Variants in AADACL2 observed in about 807,000 individuals in gnomAD.
The protein encoded by AADACL2 is arylacetamide deacetylase like 2, also known as arylacetamide deacetylase-like 2.
A neutral mutation model predicts 22.3 loss-of-function variants in AADACL2; 23 were observed. The observed-to-expected ratio is 1.03, with a 90% confidence interval of 0.74 to 1.46. The LOEUF is 1.46. Among genes scored for constraint, AADACL2 ranks in the 40% most tolerant of loss-of-function variants. The probability of loss-of-function intolerance (pLI) is 0.00; values close to 1 mark genes in which losing one functional copy is unlikely to be tolerated. For synonymous variants in AADACL2, 177 were observed against 166.2 expected, an observed-to-expected ratio of 1.07 and a Z score of -0.50; for missense variants, 472 against 482.9, an observed-to-expected ratio of 0.98 and a Z score of 0.21.
intron 3 of AADACL2, among the ~76,000 whole-genome samples, chr3:151,745,162 T>A (rs974458743): frequency 6.6e-6 from 1 of 152,066 alleles, no homozygotes; most frequent in Non-Finnish European, 1.5e-5. Context: ...CAAGCATTTT[T>A]AAAAAAATGT....
chr3:151,734,011 T>A lies in AADACL2; in HGVS notation c.-25T>A, dbSNP rs1481261135. Reference sequence around the variant, plus strand: ...GTGAAAAATTTTAATCTCAGTACTGTGAAGAAGCTGGAAAAAGGGATATTA... The same window carrying A: ...GTGAAAAATTTTAATCTCAGTACTGAGAAGAAGCTGGAAAAAGGGATATTA... On this transcript the variant is annotated 5_prime_UTR_variant, in exon 1 of 5. Transcript: ENST00000356517. 1 of 1,584,182 alleles carries A rather than the reference T, an allele frequency of 6.3e-7. No homozygotes were observed. The highest frequency in any genetic ancestry group is 1.4e-5 in the African/African-American group (1 of 73,876).
chr3:151,743,953 C>A, intron 2 of AADACL2, 140 bp from the exon 3 acceptor site: 1 of 752,776 alleles, frequency 1.3e-6, no homozygotes, highest in South Asian at 1.9e-5. Flanking sequence ...GGATTCAGGT[C>A]CATCTGCTTG....
At chr3:151,738,337 G>C (rs1039049347) in intron 1 of AADACL2, among the ~76,000 whole-genome samples, 7 of 152,140 alleles carry the variant, frequency 4.6e-5, no homozygotes, top group African/African-American at 1.7e-4. Flanking sequence ...CTCTCTTCTG[G>C]CTTGTAGAGT....
At chr3:151,741,109 T>A (rs1211496267) in intron 2 of AADACL2, among the ~76,000 whole-genome samples, 2 of 152,148 alleles carry the variant, frequency 1.3e-5, no homozygotes, top group Non-Finnish European at 2.9e-5. Flanking sequence ...ATCCTTAGCT[T>A]TCATATTGAA....
At chr3:151,756,916 T>A in intron 4 of AADACL2, 76 bp from the exon 5 acceptor site, 1 of 1,396,530 alleles carries the variant, frequency 7.2e-7, no homozygotes, top group Non-Finnish European at 9.6e-7. Context: ...ATCTTATGAC[T>A]GCTAGATAAT....
intron 1 of AADACL2, among the ~76,000 whole-genome samples, chr3:151,735,730 C>T (rs766725399): frequency 1.2e-4 from 18 of 152,042 alleles, no homozygotes; most frequent in Non-Finnish European, 2.5e-4. Flanking sequence ...TGCACTCTAG[C>T]CTGGATGACA....
At chr3:151,743,010 T>TA (rs1201589563) in intron 2 of AADACL2, among the ~76,000 whole-genome samples, 4 of 152,072 alleles carry the variant, frequency 2.6e-5, no homozygotes, top group Non-Finnish European at 5.9e-5. Flanking sequence ...ATTTTTTTTT[T>TA]AATAGAAATT....
At chr3:151,749,447 G>T (rs1713577806) in intron 4 of AADACL2, among the ~76,000 whole-genome samples, 2 of 151,952 alleles carry the variant, frequency 1.3e-5, no homozygotes, top group Non-Finnish European at 2.9e-5. Flanking sequence ...GAGTCTTAGG[G>T]TTTTCTGTAT....
intron 2 of AADACL2, among the ~76,000 whole-genome samples, chr3:151,742,844 T>A (rs928154070): frequency 2.0e-5 from 3 of 152,188 alleles, no homozygotes; most frequent in African/African-American, 7.2e-5. Flanking sequence ...TGTTTTAAAC[T>A]ATTTGAATAA....
rs573612157 is a variant in AADACL2 at position 151,760,572 on chromosome 3, G to A, written c.*2978G>A. ...CCTGTGTCTCCTGGAAACATAAGGT[G>A]TAGGTTTCTGACACATATATCTAAC... On this transcript the variant is annotated 3_prime_UTR_variant, in exon 5 of 5. Transcript: ENST00000356517. The A allele has an allele frequency of 6.6e-6, 1 of 152,412 alleles. No homozygotes were observed. The highest frequency in any genetic ancestry group is 1.5e-5 in the Non-Finnish European group (1 of 68,024). 9.4% of individuals were successfully genotyped at this position (152,412 alleles called of 1,614,324 possible). A position where few individuals can be genotyped will look rare whatever the true frequency, so the allele number is the denominator to read the frequency against.
chr3:151,740,779 T>C lies in AADACL2; in HGVS notation c.272T>C (p.Val91Ala), dbSNP rs1348283851. 4 of 1,613,874 alleles carry C rather than the reference T, an allele frequency of 2.5e-6. No individual in the cohort carries two copies. Among genetic ancestry groups the C allele is most frequent in the Non-Finnish European group, 3.4e-6 (4 of 1,179,934 alleles). ...VTDTTFVDIP[V>A]RLYLPKRKSE... ...GATACAACATTTGTTGACATTCCAG[T>C]ACGATTGTACTTGCCAAAAAGAAAG... Residue 91 changes from valine to alanine, a missense_variant, in exon 2 of 5, where the codon GTA becomes GCA. By Grantham distance (64) the Val-to-Ala change is moderately conservative. Transcript: ENST00000356517.
At chr3:151,746,171 A>G (rs576515390) in intron 4 of AADACL2, among the ~76,000 whole-genome samples, 1 of 151,918 alleles carries the variant, frequency 6.6e-6, no homozygotes. Flanking sequence ...TCTTTTCTCA[A>G]ATTTTACCCT....
intron 4 of AADACL2, among the ~76,000 whole-genome samples, chr3:151,747,787 G>A (rs1220210810): frequency 6.6e-6 from 1 of 152,018 alleles, no homozygotes; most frequent in Non-Finnish European, 1.5e-5. Flanking sequence ...GTTTCCTTTG[G>A]ATAGATACCT....
chr3:151,739,804 G>C lies in AADACL2; in HGVS notation c.139-842G>C, dbSNP rs1238631036. ...CAGTCCAAACCTCCCGGCCTCCTTAGCACTGTCAGGGGAAAACCACCTACT... is the reference window on the plus strand; with the variant it reads ...CAGTCCAAACCTCCCGGCCTCCTTACCACTGTCAGGGGAAAACCACCTACT... On this transcript the variant is annotated intron_variant, in intron 1 of 4. Coordinates refer to ENST00000356517, the MANE Select transcript of AADACL2 (RefSeq NM_207365.4). 2.0e-5 allele frequency among the ~76,000 whole-genome samples: 3 copies of C among 152,124 alleles called. No individual in the cohort carries two copies. In the East Asian group the frequency reaches 5.8e-4, roughly 29 times the overall value.
intron 2 of AADACL2, among the ~76,000 whole-genome samples, chr3:151,741,619 T>C (rs1713280054): frequency 6.6e-6 from 1 of 152,162 alleles, no homozygotes; most frequent in Non-Finnish European, 1.5e-5. Flanking sequence ...ATTTATATCA[T>C]GTGTTAAAAT....
intron 2 of AADACL2, among the ~76,000 whole-genome samples, chr3:151,743,546 A>T (rs1166646337): frequency 6.6e-6 from 1 of 152,172 alleles, no homozygotes; most frequent in African/African-American, 2.4e-5. Flanking sequence ...TCTAGTTATT[A>T]TTCCTTAGAC....
intron 1 of AADACL2, among the ~76,000 whole-genome samples, chr3:151,736,579 G>T (rs1336605501): frequency 6.6e-6 from 1 of 151,974 alleles, no homozygotes; most frequent in Non-Finnish European, 1.5e-5. Context: ...GTGGTGTTTG[G>T]TTTTCTGTTC....
chr3:151,752,130 C>T (rs1713693613), intron 4 of AADACL2, among the ~76,000 whole-genome samples: 1 of 146,050 alleles, frequency 6.8e-6, no homozygotes, highest in Admixed American at 6.8e-5. Flanking sequence ...AGCTTTATTA[C>T]CTGTACTGTG....
rs369762343 is a variant in AADACL2 at position 151,757,455 on chromosome 3, A to G, written c.1067A>G (p.Asn356Ser). 6.2e-7 allele frequency: 1 copy of G among 1,613,520 alleles called. No individual in the cohort carries two copies. Among genetic ancestry groups the G allele is most frequent in the African/African-American group, 1.3e-5 (1 of 74,894 alleles). ...CTTATGTATGTTACAAGACTTCGAA[A>G]TGTTGGAGTCCAAGTTGTTCATGAA... ...DGLMYVTRLR[N>S]VGVQVVHEHI... The change falls in exon 5 of 5, where the codon AAT becomes AGT. Residue 356 changes from asparagine to serine, a missense_variant. Around this residue, in one of 3 missense-constraint regions of AADACL2, gnomAD observed 113 missense variants for 100.9 expected, o/e 1.12. Coordinates refer to ENST00000356517, the MANE Select transcript of AADACL2 (RefSeq NM_207365.4).
Sources: allele counts gnomAD v4.1 joint callset (sites outside exome capture counted in the v4.1 genomes callset), GRCh38; gene constraint gnomAD v4.1.1; regional missense constraint gnomAD v4.1.1; transcripts MANE v1.5; gene names NCBI Gene and HGNC (gene_info 2026-07-23, HGNC 2026-07-21).